DMD: variants seen among roughly 807,000 people sequenced by gnomAD.
The protein encoded by DMD is mutant dystrophin.
In DMD, 63 loss-of-function variants were observed where a neutral mutation model predicts 330.1. The observed-to-expected ratio is 0.19, with a 90% CI of 0.16 to 0.24. The LOEUF is 0.24. DMD is among the 10% of genes least tolerant of loss of function. DMD has a pLI of 1.00. For synonymous variants in DMD, 1,223 were observed against 959.8 expected (o/e 1.27, Z -5.07); for missense variants, 3,344 against 2,684.1 (o/e 1.25, Z -5.43).
chrX:33,125,787 G>T (rs904635905), intron 1 of DMD, among the ~76,000 whole-genome samples: 2 of 111,790 alleles, frequency 1.8e-5, no homozygotes, highest in Non-Finnish European at 3.8e-5. Flanking sequence ...CCCAAAAGGG[G>T]AGACTTTGAT....
chrX:31,798,721 G>C (rs2091938033), intron 50 of DMD, among the ~76,000 whole-genome samples: 1 of 111,205 alleles, frequency 9.0e-6, no homozygotes, highest in South Asian at 3.8e-4. Flanking sequence ...TTGTGATATA[G>C]AAAAGAGACA....
chrX:32,705,308 A>G (rs1021511256), intron 7 of DMD, among the ~76,000 whole-genome samples: 8 of 112,243 alleles, frequency 7.1e-5, no homozygotes, highest in African/African-American at 2.3e-4. Context: ...GCTTCTCATT[A>G]AAGGACGGTA....
chrX:32,170,982 A>T (rs1239710677), intron 44 of DMD, among the ~76,000 whole-genome samples: 1 of 111,509 alleles, frequency 9.0e-6, no homozygotes, highest in East Asian at 2.8e-4. Flanking sequence ...GATTGGAATA[A>T]AATAACATCT....
intron 7 of DMD, among the ~76,000 whole-genome samples, chrX:32,785,903 T>C (rs902422869): frequency 2.7e-5 from 3 of 111,472 alleles, no homozygotes; most frequent in Non-Finnish European, 5.7e-5. Flanking sequence ...CCAGGTTTTT[T>C]CCAAATACTC....
At chrX:32,252,863 TATATAAATATATAAAA>T in intron 43 of DMD, among the ~76,000 whole-genome samples, 1 of 75,129 alleles carries the variant, frequency 1.3e-5, no homozygotes, top group Admixed American at 2.0e-4. Flanking sequence ...TATATATAAA[TATATAAATATATAAAA>T]ATATATATAA....
chrX:32,703,022 T>C (rs780783254), intron 7 of DMD, among the ~76,000 whole-genome samples: 2 of 111,650 alleles, frequency 1.8e-5, no homozygotes, highest in South Asian at 7.6e-4. Context: ...ATGATTCTTA[T>C]CATGCTTCCC....
At chrX:33,017,972 G>C (rs192993808) in intron 2 of DMD, among the ~76,000 whole-genome samples, 1 of 112,207 alleles carries the variant, frequency 8.9e-6, no homozygotes, top group South Asian at 3.7e-4. Flanking sequence ...TCACCAAGTG[G>C]CTTAAACTGA....
intron 44 of DMD, among the ~76,000 whole-genome samples, chrX:32,026,708 G>A (rs760921754): frequency 4.1e-4 from 46 of 111,965 alleles, no homozygotes; most frequent in African/African-American, 1.5e-3. Flanking sequence ...GTATGTATAC[G>A]TAAGAGGTTA....
At chrX:32,435,207 G>A (rs1163424943) in intron 29 of DMD, among the ~76,000 whole-genome samples, 2 of 64,219 alleles carry the variant, frequency 3.1e-5, no homozygotes, top group East Asian at 7.3e-4. Context: ...ACTGCCCTCA[G>A]TGGGATATAT....
At chrX:32,466,363 T>C (rs1339914305) in intron 23 of DMD, among the ~76,000 whole-genome samples, 1 of 111,850 alleles carries the variant, frequency 8.9e-6, no homozygotes, top group Admixed American at 9.5e-5. Context: ...TAATATTTCA[T>C]AATCCTTTTT....
intron 23 of DMD, among the ~76,000 whole-genome samples, chrX:32,465,571 G>GT (rs1603634129): frequency 1.9e-5 from 1 of 51,374 alleles, no homozygotes; most frequent in Non-Finnish European, 3.6e-5. Context: ...TTTTTTTTTT[G>GT]TTTGTTTTTT....
intron 18 of DMD, chrX:32,517,739 C>T (rs1371696940): frequency 4.8e-6 from 2 of 414,752 alleles, no homozygotes; most frequent in African/African-American, 2.5e-5. Flanking sequence ...GAATTAATGT[C>T]ATAAAATTGT....
intron 59 of DMD, among the ~76,000 whole-genome samples, chrX:31,455,785 A>C (rs1249040748): frequency 2.7e-5 from 3 of 112,266 alleles, no homozygotes; most frequent in Non-Finnish European, 5.6e-5. Flanking sequence ...TATTCAAGGA[A>C]AATATATTCT....
chrX:32,621,846 T>C (rs1338131596), intron 11 of DMD, among the ~76,000 whole-genome samples: 1 of 111,078 alleles, frequency 9.0e-6, no homozygotes, highest in Non-Finnish European at 1.9e-5. Flanking sequence ...CATCAGCCCA[T>C]CCCCTAGAAA....
At chrX:32,712,942 G>A (rs2065328696) in intron 7 of DMD, among the ~76,000 whole-genome samples, 1 of 110,984 alleles carries the variant, frequency 9.0e-6, no homozygotes, top group Non-Finnish European at 1.9e-5. Context: ...AGTATTTGTT[G>A]TGCCTTGGGT....
At chrX:33,234,121 C>T (rs979265376) in intron 1 of DMD, among the ~76,000 whole-genome samples, 3 of 111,562 alleles carry the variant, frequency 2.7e-5, no homozygotes, top group African/African-American at 9.8e-5. Context: ...GTTCCCAGGA[C>T]GCAGGAAGGT....
rs765662665 is a variant in DMD, at chrX:33,174,435, CTTAA to C, written c.31+36843_31+36846del. ...TTTGAGTTATTTAAGTGTGTGACTA[CTTAA>C]TTAATTTTTGTTATTGTTGTTTTGA... On this transcript the variant is annotated intron_variant, in intron 1 of 78. Coordinates refer to ENST00000357033, the MANE Select transcript of DMD (RefSeq NM_004006.3). Among the ~76,000 whole-genome samples the C allele has an allele frequency of 6.3e-5, 7 of 111,982 alleles. No individual in the cohort carries two copies. In the East Asian group the frequency reaches 1.7e-3, roughly 27 times the overall value.
At chrX:32,014,003 T>C (rs2095739067) in intron 44 of DMD, among the ~76,000 whole-genome samples, 1 of 112,421 alleles carries the variant, frequency 8.9e-6, no homozygotes, top group Non-Finnish European at 1.9e-5. Flanking sequence ...ATTTAATGTA[T>C]ATGGAAATCA....
chrX:33,191,714 A>G (rs1261606529), intron 1 of DMD, among the ~76,000 whole-genome samples: 6 of 112,248 alleles, frequency 5.3e-5, no homozygotes, highest in African/African-American at 1.9e-4. Context: ...ATGAGCCACC[A>G]TGCCTGGCCT....
Sources: gnomAD v4.1 joint callset for allele counts (sites outside exome capture counted in the v4.1 genomes callset) on GRCh38, gnomAD v4.1.1 for gene constraint, MANE v1.5 for transcripts, NCBI Gene and HGNC (gene_info 2026-07-23, HGNC 2026-07-21) for gene names.